Variants in EBF2 observed in about 807,000 individuals in gnomAD.
EBF2 encodes transcription factor COE2.
Under a neutral mutation model 72.8 loss-of-function variants are expected in EBF2, and 21 were observed. The ratio of observed to expected loss-of-function variants is 0.29; its 90% CI spans 0.20 to 0.42. EBF2 has a LOEUF of 0.42. Among genes scored for constraint, EBF2 ranks in the 10% least tolerant of loss-of-function variants. The pLI, the probability that EBF2 is intolerant of heterozygous loss-of-function variation, is 1.00. For missense variants in EBF2, 637 were observed against 731.2 expected (o/e 0.87, Z 1.49); for synonymous variants, 299 against 274.2 (o/e 1.09, Z -0.89).
intron 6 of EBF2, among the ~76,000 whole-genome samples, chr8:26,019,915 G>C (rs73227960): frequency 6.6e-6 from 1 of 152,246 alleles, no homozygotes; most frequent in Admixed American, 6.5e-5. Context: ...GAGAAGTGGG[G>C]AGGCACAGCT....
intron 6 of EBF2, among the ~76,000 whole-genome samples, chr8:26,005,534 T>G (rs1453259726): frequency 5.9e-5 from 2 of 34,010 alleles, no homozygotes; most frequent in Admixed American, 5.1e-4. Flanking sequence ...TTATATATTA[T>G]ATATATTTTA....
intron 6 of EBF2, among the ~76,000 whole-genome samples, chr8:26,018,138 A>G (rs1805142960): frequency 6.6e-6 from 1 of 151,158 alleles, no homozygotes; most frequent in Non-Finnish European, 1.5e-5. Context: ...CTCCCTTCGC[A>G]GGAGCAAACA....
At chr8:25,862,184 G>A (rs1186304123) in intron 11 of EBF2, among the ~76,000 whole-genome samples, 1 of 152,164 alleles carries the variant, frequency 6.6e-6, no homozygotes, top group Non-Finnish European at 1.5e-5. Flanking sequence ...ATAAATTGAT[G>A]TACTTTTTAA....
At chr8:26,030,256 A>G (rs1413180920) in intron 6 of EBF2, among the ~76,000 whole-genome samples, 4 of 152,206 alleles carry the variant, frequency 2.6e-5, no homozygotes, top group Non-Finnish European at 4.4e-5. Context: ...TCTTGTGTCC[A>G]TGTGTTCTCA....
intron 15 of EBF2, among the ~76,000 whole-genome samples, chr8:25,847,049 T>C (rs1054862306): frequency 1.3e-5 from 2 of 152,190 alleles, no homozygotes; most frequent in African/African-American, 4.8e-5. Context: ...GGAATCTGCA[T>C]GTCTGGGTTC....
chr8:26,033,461 C>A (rs553551124), intron 5 of EBF2, among the ~76,000 whole-genome samples: 22 of 152,316 alleles, frequency 1.4e-4, no homozygotes, highest in South Asian at 1.2e-3. Context: ...AACTCCTGAC[C>A]TCAGGTGATC....
intron 6 of EBF2, among the ~76,000 whole-genome samples, chr8:25,947,827 T>C (rs533839963): frequency 2.0e-5 from 3 of 152,352 alleles, no homozygotes; most frequent in Non-Finnish European, 4.4e-5. Flanking sequence ...TTACCCAGGA[T>C]TCTACTTTTT....
chr8:25,877,432 C>T (rs1030394832), intron 10 of EBF2, among the ~76,000 whole-genome samples: 5 of 152,172 alleles, frequency 3.3e-5, no homozygotes, highest in African/African-American at 9.7e-5. Context: ...CTCTCAATTG[C>T]GCAGAAGCAA....
At chr8:25,861,877 T>C (rs1802218916) in intron 11 of EBF2, among the ~76,000 whole-genome samples, 1 of 152,202 alleles carries the variant, frequency 6.6e-6, no homozygotes, top group Non-Finnish European at 1.5e-5. Flanking sequence ...CCTGTACACT[T>C]TAACCACAGA....
intron 1 of EBF2, among the ~76,000 whole-genome samples, chr8:26,042,541 G>A (rs2117268520): frequency 6.6e-6 from 1 of 152,006 alleles, no homozygotes; most frequent in East Asian, 1.9e-4. Flanking sequence ...AGTCGAAACC[G>A]AAAGACCCCG....
intron 6 of EBF2, among the ~76,000 whole-genome samples, chr8:25,982,229 G>A (rs377557209): frequency 3.9e-5 from 6 of 152,186 alleles, no homozygotes; most frequent in Admixed American, 6.5e-5. Flanking sequence ...GAACTCCACT[G>A]CCAATTCTGT....
At position 25,886,901 on chromosome 8, in the gene EBF2, G is replaced by T; in HGVS notation, c.883-20C>A. On this transcript the variant is annotated intron_variant, in intron 9 of 15. Coordinates refer to ENST00000520164, the MANE Select transcript of EBF2 (RefSeq NM_022659.4). ...TATTAGCTGAGGAATGAACAGGCAG[G>T]GAAATAAAATACCCATTAGACAAGC... 6.2e-7 allele frequency: 1 copy of T among 1,608,526 alleles called. No homozygotes were observed. The highest frequency in any genetic ancestry group is 8.5e-7 in the Non-Finnish European group (1 of 1,177,516).
chr8:25,930,844 A>G (rs1423389314), intron 6 of EBF2, among the ~76,000 whole-genome samples: 4 of 152,182 alleles, frequency 2.6e-5, no homozygotes, highest in Non-Finnish European at 5.9e-5. Flanking sequence ...ATCTCTGGAC[A>G]CACAGTAGGC....
At chr8:25,979,814 A>T (rs756148632) in intron 6 of EBF2, among the ~76,000 whole-genome samples, 1 of 152,120 alleles carries the variant, frequency 6.6e-6, no homozygotes, top group Non-Finnish European at 1.5e-5. Context: ...AAATCCCAGT[A>T]CAGATAAAGG....
At position 25,864,689 on chromosome 8, in the gene EBF2, C is replaced by T. The variant is rs374744891; in HGVS notation, c.1010-1892G>A. ...TATACATATATTCTGTTTTATTGATCTATTCTGGGTAAAAGTCACCCTATT... is the reference window on the plus strand; with the variant it reads ...TATACATATATTCTGTTTTATTGATTTATTCTGGGTAAAAGTCACCCTATT... On this transcript the variant is annotated intron_variant, in intron 10 of 15. Coordinates refer to ENST00000520164, the MANE Select transcript of EBF2 (RefSeq NM_022659.4). Among the ~76,000 whole-genome samples the T allele has an allele frequency of 2.2e-4, 33 of 152,118 alleles. No individual in the cohort carries two copies. In the East Asian group the frequency reaches 6.2e-3, roughly 28 times the overall value.
At chr8:25,987,048 TAA>T (rs11304313) in intron 6 of EBF2, among the ~76,000 whole-genome samples, 103 of 151,148 alleles carry the variant, frequency 6.8e-4, no homozygotes, top group African/African-American at 2.4e-3. Flanking sequence ...ACCCTGGAAT[TAA>T]AAAAAAAAAC....
chr8:25,939,716 AC>A (rs767828447), intron 6 of EBF2, among the ~76,000 whole-genome samples: 1 of 152,202 alleles, frequency 6.6e-6, no homozygotes, highest in Non-Finnish European at 1.5e-5. Context: ...AAATCACTTA[AC>A]TTTTGTTCTT....
At position 25,939,708 on chromosome 8, in the gene EBF2, A is replaced by G. The variant is rs77725491; in HGVS notation, c.552-31153T>C. ...TGTCCCTCTATGTGACCAGGGACAA[A>G]TCACTTAACTTTTGTTCTTTCTCCT... On this transcript the variant is annotated intron_variant, in intron 6 of 15. Transcript: ENST00000520164. Among the ~76,000 whole-genome samples, 360 of 152,296 alleles carry G rather than the reference A, an allele frequency of 2.4e-3. 7 individuals are homozygous for G. In the East Asian group the frequency reaches 0.048, roughly 20 times the overall value.
At position 25,944,819 on chromosome 8, in the gene EBF2, A is replaced by G. The variant is rs901149826; in HGVS notation, c.552-36264T>C. ...TATATGTATTTATATACACACTTAT[A>G]TAGACATACACATATATACACATAT... On this transcript the variant is annotated intron_variant, in intron 6 of 15. Transcript: ENST00000520164. Among the ~76,000 whole-genome samples the G allele has an allele frequency of 7.3e-5, 11 of 150,936 alleles. No individual in the cohort carries two copies. The East Asian group carries it at 2.1e-3, about 29-fold the overall frequency.
Sources: allele counts gnomAD v4.1 joint callset (sites outside exome capture counted in the v4.1 genomes callset), GRCh38; gene constraint gnomAD v4.1.1; transcripts MANE v1.5; gene names NCBI Gene and HGNC (gene_info 2026-07-23, HGNC 2026-07-21).